Variants in MED30 observed in about 807,000 individuals in gnomAD.
The protein encoded by MED30 is mediator complex subunit 30, also known as mediator of RNA polymerase II transcription subunit 30.
In MED30, 8 loss-of-function variants were observed where a neutral mutation model predicts 21.7. The ratio of observed to expected loss-of-function variants is 0.37; its 90% confidence interval spans 0.22 to 0.67. MED30 has a LOEUF of 0.67. Ranked by LOEUF, MED30 falls within the 30% of genes least tolerant of loss-of-function variation. MED30 has a pLI of 0.58. For missense variants in MED30, 203 were observed against 228.2 expected, an observed-to-expected ratio of 0.89 and a Z score of 0.71; for synonymous variants, 79 against 86.7, an observed-to-expected ratio of 0.91 and a Z score of 0.49.
intron 1 of MED30, among the ~76,000 whole-genome samples, chr8:117,525,652 A>C (rs1462576431): frequency 6.6e-6 from 1 of 152,110 alleles, no homozygotes; most frequent in Non-Finnish European, 1.5e-5. Context: ...TATCCTATAA[A>C]ATGTGAGGTC....
At chr8:117,530,043 G>A (rs1818772622) in intron 2 of MED30, among the ~76,000 whole-genome samples, 1 of 152,006 alleles carries the variant, frequency 6.6e-6, no homozygotes, top group Admixed American at 6.6e-5. Flanking sequence ...GATGGTAAAG[G>A]CTAGGTGATT....
chr8:117,522,166 CAG>C (rs1487781576), intron 1 of MED30, among the ~76,000 whole-genome samples: 1 of 152,120 alleles, frequency 6.6e-6, no homozygotes, highest in Admixed American at 6.6e-5. Flanking sequence ...TTTTGAAGAA[CAG>C]ACATTTTAAA....
At position 117,523,726 on chromosome 8, in the gene MED30, A is replaced by T; in HGVS notation, c.177+2673A>T. On this transcript the variant is annotated intron_variant, in intron 1 of 3. Transcript: ENST00000297347. ...ATTCCCTCCTTAAAAAGGAGTTCAT[A>T]GGCTAGGCGCGGTGGCTCACGCCTG... 1.6e-5 allele frequency: 24 copies of T among 1,462,238 alleles called. 1 individual carries two copies. The South Asian group carries it at 2.6e-4, about 16-fold the overall frequency. The allele number at this position is 1,462,238 out of a possible 1,614,324, so 90.6% of individuals were successfully genotyped here. A position where few individuals can be genotyped will look rare whatever the true frequency, so the allele number is the denominator to read the frequency against.
intron 3 of MED30, among the ~76,000 whole-genome samples, chr8:117,532,033 CAATT>C (rs1299391708): frequency 6.6e-6 from 1 of 151,820 alleles, no homozygotes; most frequent in Non-Finnish European, 1.5e-5. Context: ...ACTCTTGTAA[CAATT>C]AATATTAAGT....
intron 1 of MED30, among the ~76,000 whole-genome samples, chr8:117,527,665 C>A (rs549463477): frequency 1.4e-5 from 2 of 139,306 alleles, no homozygotes; most frequent in South Asian, 4.4e-4. Context: ...GGCATTCCTA[C>A]CTCATGTGTT....
At chr8:117,538,240 G>C (rs758211226) in intron 3 of MED30, among the ~76,000 whole-genome samples, 2 of 152,132 alleles carry the variant, frequency 1.3e-5, no homozygotes, top group Non-Finnish European at 2.9e-5. Flanking sequence ...TTTGTTTCCC[G>C]AAGACTGTGT....
Position 117,540,177 on chromosome 8 carries a change from TTGA to T in MED30, c.*202_*204del, listed in dbSNP as rs1818955447. The T allele has an allele frequency of 5.7e-6, 2 of 349,712 alleles. No individual in the cohort carries two copies. Among genetic ancestry groups the T allele is most frequent in the Non-Finnish European group, 1.0e-5 (2 of 196,708 alleles). 21.7% of individuals were successfully genotyped at this position (349,712 alleles called of 1,614,324 possible). On this transcript the variant is annotated 3_prime_UTR_variant, in exon 4 of 4. Coordinates refer to ENST00000297347, the MANE Select transcript of MED30 (RefSeq NM_080651.4). ...TTATGAAAGATTATTGTAATAAACT[TTGA>T]TGGGGTTTGTATTTTGGTTAATCTT...
At chr8:117,521,142 A>C in intron 1 of MED30, 89 bp downstream of exon 1, 2 of 1,328,412 alleles carry the variant, frequency 1.5e-6, no homozygotes, top group Non-Finnish European at 2.0e-6. Context: ...CGTGGATGTC[A>C]TCGGGGCTGC....
chr8:117,524,529 C>T (rs889040398), intron 1 of MED30, among the ~76,000 whole-genome samples: 1 of 152,172 alleles, frequency 6.6e-6, no homozygotes. Context: ...GGATACTCCC[C>T]AAGTATCCTT....
At chr8:117,530,520 A>G (rs531254268) in intron 2 of MED30, 2 of 367,704 alleles carry the variant, frequency 5.4e-6, no homozygotes, top group South Asian at 2.1e-4. Flanking sequence ...CTGTTTTGCA[A>G]AAGAAACCTG....
chr8:117,530,076 C>A (rs901411664), intron 2 of MED30, among the ~76,000 whole-genome samples: 1 of 151,982 alleles, frequency 6.6e-6, no homozygotes, highest in African/African-American at 2.4e-5. Flanking sequence ...CACACTTATG[C>A]GGTAAATTCC....
chr8:117,523,151 T>G, intron 1 of MED30: 1 of 620,378 alleles, frequency 1.6e-6, no homozygotes, highest in Non-Finnish European at 2.8e-6. Context: ...AAAAAAGTAT[T>G]TTATCAATAA....
In MED30 at chr8:117,528,763, A is replaced by G; in HGVS notation, c.290A>G (p.Asp97Gly). 7 of 1,608,648 alleles carry G rather than the reference A, an allele frequency of 4.4e-6. No homozygotes were observed. The highest frequency in any genetic ancestry group is 5.1e-6 in the Non-Finnish European group (6 of 1,177,810). The change falls in exon 2 of 4, where the codon GAC becomes GGC. Residue 97 changes from aspartate to glycine, a missense_variant. Physicochemically the swap from Asp to Gly is moderately conservative, Grantham distance 94. Coordinates refer to ENST00000297347, the MANE Select transcript of MED30 (RefSeq NM_080651.4). ...TTCAGGAAGCTGAGATTGGTATATG[A>G]CAAATGCAATGAAAACTGTGGTGGG... ...VLFRKLRLVY[D>G]KCNENCGGMD...
chr8:117,539,708 A>T (rs373528137), intron 3 of MED30, among the ~76,000 whole-genome samples, 175 bp from the exon 4 acceptor site: 6 of 152,332 alleles, frequency 3.9e-5, no homozygotes, highest in African/African-American at 1.4e-4. Flanking sequence ...AGAATTCAGG[A>T]TCCCTGTCAG....
At chr8:117,523,650 G>A in intron 1 of MED30, 1 of 1,596,920 alleles carries the variant, frequency 6.3e-7, no homozygotes, top group South Asian at 1.1e-5. Context: ...ACACATTCTT[G>A]TCTGCCAGCT....
chr8:117,524,169 G>A (rs909016526), intron 1 of MED30: 3 of 152,770 alleles, frequency 2.0e-5, no homozygotes, highest in Non-Finnish European at 4.4e-5. Context: ...AGGACCCTTT[G>A]GGGCCTATCA....
chr8:117,533,150 GAT>G (rs1818814062), intron 3 of MED30, among the ~76,000 whole-genome samples: 1 of 151,988 alleles, frequency 6.6e-6, no homozygotes. Flanking sequence ...AATTCAGAAA[GAT>G]ACTTTTTCTA....
chr8:117,533,285 C>T (rs1376680913), intron 3 of MED30, among the ~76,000 whole-genome samples: 2 of 151,356 alleles, frequency 1.3e-5, no homozygotes, highest in Non-Finnish European at 2.9e-5. Context: ...AATTCTTTGG[C>T]AGCATGTAAC....
chr8:117,528,137 C>T (rs1426373345), intron 1 of MED30, among the ~76,000 whole-genome samples: 1 of 151,650 alleles, frequency 6.6e-6, no homozygotes, highest in Non-Finnish European at 1.5e-5. Context: ...CTTTAAATGA[C>T]AGGTTTATAT....
Sources: gnomAD v4.1 joint callset for allele counts (sites outside exome capture counted in the v4.1 genomes callset) on GRCh38, gnomAD v4.1.1 for gene constraint, MANE v1.5 for transcripts, NCBI Gene and HGNC (gene_info 2026-07-23, HGNC 2026-07-21) for gene names.